CHCHD3: variants seen among roughly 807,000 people sequenced by gnomAD.
CHCHD3 encodes the protein MICOS complex subunit MIC19.
CHCHD3 carries 20 observed loss-of-function variants against 38.2 expected under a neutral mutation model. The observed-to-expected ratio is 0.52, with a 90% CI of 0.37 to 0.76. The LOEUF (loss-of-function observed/expected upper bound fraction) is 0.76. CHCHD3 is among the 30% of genes least tolerant of loss of function. The pLI is 0.00. For synonymous variants in CHCHD3, 82 were observed against 100.0 expected (o/e 0.82, Z 1.07); for missense variants, 245 against 279.2 (o/e 0.88, Z 0.87).
chr7:132,836,867 G>C (rs1439266851), intron 6 of CHCHD3, among the ~76,000 whole-genome samples: 1 of 152,132 alleles, frequency 6.6e-6, no homozygotes, highest in African/African-American at 2.4e-5. Context: ...CCAGAAATCA[G>C]AGTGCTCATC....
At chr7:132,914,067 C>T (rs988694923) in intron 4 of CHCHD3, among the ~76,000 whole-genome samples, 6 of 150,276 alleles carry the variant, frequency 4.0e-5, no homozygotes, top group Admixed American at 2.7e-4. Context: ...TGAAGTGACA[C>T]TCCTGTCTCA....
intron 4 of CHCHD3, among the ~76,000 whole-genome samples, chr7:132,974,806 G>A (rs958225265): frequency 4.6e-5 from 7 of 151,840 alleles, no homozygotes; most frequent in Non-Finnish European, 1.0e-4. Flanking sequence ...CCCCGGAGGC[G>A]GAGGTTGCAG....
At chr7:133,011,393 T>C (rs1312939236) in intron 3 of CHCHD3, among the ~76,000 whole-genome samples, 2 of 152,222 alleles carry the variant, frequency 1.3e-5, no homozygotes, top group South Asian at 2.1e-4. Context: ...GACTTTGTAA[T>C]ACTACAAATG....
At chr7:132,794,765 C>T (rs1187258609) in intron 7 of CHCHD3, among the ~76,000 whole-genome samples, 2 of 152,024 alleles carry the variant, frequency 1.3e-5, no homozygotes, top group Admixed American at 1.3e-4. Flanking sequence ...AATAATGCAA[C>T]TGAGGAAAGA....
At chr7:132,828,156 T>C (rs748201600) in intron 6 of CHCHD3, among the ~76,000 whole-genome samples, 13 of 152,234 alleles carry the variant, frequency 8.5e-5, no homozygotes, top group Non-Finnish European at 1.8e-4. Context: ...TGTTGCATCA[T>C]ACAGCAAGTG....
At chr7:132,814,258 G>A (rs1237441822) in intron 6 of CHCHD3, among the ~76,000 whole-genome samples, 7 of 152,254 alleles carry the variant, frequency 4.6e-5, no homozygotes, top group Middle Eastern at 3.4e-3. Context: ...GTGAAGCCAC[G>A]CTAGCAGTCT....
intron 5 of CHCHD3, among the ~76,000 whole-genome samples, chr7:132,884,079 A>G (rs1378080673): frequency 6.6e-6 from 1 of 151,968 alleles, no homozygotes; most frequent in African/African-American, 2.4e-5. Flanking sequence ...CCCTTTTCCG[A>G]ATTACTGCCG....
intron 3 of CHCHD3, among the ~76,000 whole-genome samples, chr7:132,989,592 C>T (rs1026580426): frequency 6.6e-6 from 1 of 152,150 alleles, no homozygotes; most frequent in Admixed American, 6.5e-5. Context: ...GTCCTGGATG[C>T]TCTTGGACCT....
At chr7:133,046,242 G>A (rs1041002125) in intron 2 of CHCHD3, among the ~76,000 whole-genome samples, 40 of 151,944 alleles carry the variant, frequency 2.6e-4, no homozygotes, top group African/African-American at 9.7e-4. Context: ...CTGTAAACTT[G>A]GATAGGAAAA....
chr7:132,944,078 C>T (rs1156373879), intron 4 of CHCHD3, among the ~76,000 whole-genome samples: 1 of 152,120 alleles, frequency 6.6e-6, no homozygotes, highest in Non-Finnish European at 1.5e-5. Flanking sequence ...ACTCTTTAAA[C>T]AGCAAATTTG....
Position 132,845,706 on chromosome 7 carries a change from C to G in CHCHD3, c.454-7237G>C, listed in dbSNP as rs138828287. 1.3e-3 allele frequency among the ~76,000 whole-genome samples: 203 copies of G among 152,306 alleles called. 4 individuals carry two copies. In the East Asian group the frequency reaches 0.02, roughly 15 times the overall value. Reference sequence around the variant, plus strand: ...AGAACTACTGTTCATGATTCTCAAACTGATTTGCTCATGGAGCATCTTGAG... The same window carrying G: ...AGAACTACTGTTCATGATTCTCAAAGTGATTTGCTCATGGAGCATCTTGAG... On this transcript the variant is annotated intron_variant, in intron 5 of 7. Transcript: ENST00000262570.
chr7:132,858,210 A>G (rs1808393223), intron 5 of CHCHD3, among the ~76,000 whole-genome samples: 1 of 151,748 alleles, frequency 6.6e-6, no homozygotes, highest in East Asian at 1.9e-4. Flanking sequence ...CTACAGGCAC[A>G]CTCCACCACG....
intron 5 of CHCHD3, among the ~76,000 whole-genome samples, chr7:132,877,470 T>C (rs960395641): frequency 2.0e-5 from 3 of 152,194 alleles, no homozygotes; most frequent in Admixed American, 2.0e-4. Context: ...TCTTTGCACC[T>C]AAGTTATAAA....
At chr7:132,909,678 A>T (rs553001144) in intron 4 of CHCHD3, among the ~76,000 whole-genome samples, 79 of 152,356 alleles carry the variant, frequency 5.2e-4, no homozygotes, top group South Asian at 1.2e-3. Context: ...AGTGAAAGGG[A>T]TTGGCACAGT....
chr7:132,880,976 ACTCT>A (rs1204340628), intron 5 of CHCHD3, among the ~76,000 whole-genome samples: 1 of 152,140 alleles, frequency 6.6e-6, no homozygotes, highest in Non-Finnish European at 1.5e-5. Flanking sequence ...AGGAATTAAT[ACTCT>A]CTAAGTATCT....
At chr7:132,954,243 T>G (rs1197198508) in intron 4 of CHCHD3, among the ~76,000 whole-genome samples, 1 of 152,114 alleles carries the variant, frequency 6.6e-6, no homozygotes, top group Non-Finnish European at 1.5e-5. Context: ...CTGCTCCATC[T>G]TGTGTCCCTA....
At chr7:132,802,568 G>A (rs1189701710) in intron 6 of CHCHD3, among the ~76,000 whole-genome samples, 2 of 152,176 alleles carry the variant, frequency 1.3e-5, no homozygotes, top group Non-Finnish European at 2.9e-5. Flanking sequence ...GATTTGGGAA[G>A]TCAGACATTT....
At chr7:132,799,532 AT>A (rs1806728218) in intron 6 of CHCHD3, among the ~76,000 whole-genome samples, 1 of 152,228 alleles carries the variant, frequency 6.6e-6, no homozygotes, top group Non-Finnish European at 1.5e-5. Flanking sequence ...GCAAAGGACG[AT>A]TAGACAAGTT....
chr7:132,970,987 T>C lies in CHCHD3; in HGVS notation c.369+4182A>G, dbSNP rs536441308. ...TAAAAAATCTAACATTAAACCAGCA[T>C]AATGTAGTAAGACATAAAAAAGAGT... On this transcript the variant is annotated intron_variant, in intron 4 of 7. Coordinates refer to ENST00000262570, the MANE Select transcript of CHCHD3 (RefSeq NM_017812.4). 3.5e-4 allele frequency among the ~76,000 whole-genome samples: 54 copies of C among 152,252 alleles called. 1 individual carries two copies. Among genetic ancestry groups the C allele is most frequent in the African/African-American group, 1.3e-3 (54 of 41,564 alleles).
Sources: gnomAD v4.1 joint callset for allele counts (sites outside exome capture counted in the v4.1 genomes callset) on GRCh38, gnomAD v4.1.1 for gene constraint, MANE v1.5 for transcripts, NCBI Gene and HGNC (gene_info 2026-07-23, HGNC 2026-07-21) for gene names.